CUX2: variants seen among roughly 807,000 people sequenced by gnomAD.
CUX2 encodes cut like homeobox 2, also known as homeobox protein cut-like 2.
In CUX2, 40 loss-of-function variants were observed where a neutral mutation model predicts 144.8. The ratio of observed to expected loss-of-function variants is 0.28; its 90% confidence interval spans 0.21 to 0.36. The LOEUF is 0.36. CUX2 is among the 10% of genes least tolerant of loss of function. The pLI is 1.00. For synonymous variants in CUX2, 827 were observed against 875.6 expected, an observed-to-expected ratio of 0.94 and a Z score of 0.98; for missense variants, 1,615 against 1,994.0, an observed-to-expected ratio of 0.81 and a Z score of 3.62.
rs762524911 is a variant in CUX2 at position 111,348,165 on chromosome 12, G to C, written c.4301G>C (p.Ser1434Thr). The change falls in exon 22 of 22, where the codon AGT (serine) becomes ACT (threonine). Residue 1434 changes from serine (S) to threonine (T), a missense_variant. Ser to Thr is a moderately conservative substitution (Grantham distance 58). Transcript: ENST00000261726. The part of the protein sequence containing the change: ...PPGAPPAKVP[S>T]ASPTADMAGA... Reference sequence around the variant, plus strand: ...GGCGCCCCCCCTGCCAAAGTGCCGAGTGCCAGCCCCACTGCTGACATGGCT... The same window carrying C: ...GGCGCCCCCCCTGCCAAAGTGCCGACTGCCAGCCCCACTGCTGACATGGCT... The C allele has an allele frequency of 1.2e-6, 2 of 1,613,988 alleles. No homozygotes were observed. The highest frequency in any genetic ancestry group is 1.7e-6 in the Non-Finnish European group (2 of 1,179,988).
intron 1 of CUX2, among the ~76,000 whole-genome samples, chr12:111,145,517 C>T (rs140851631): frequency 2.0e-4 from 30 of 152,176 alleles, no homozygotes; most frequent in Non-Finnish European, 2.9e-4. Flanking sequence ...TACAGGTATA[C>T]GCCACCATGC....
At position 111,049,302 on chromosome 12, in the gene CUX2, C is replaced by G. The variant is rs146081339; in HGVS notation, c.63+15062C>G. 8.1e-3 allele frequency among the ~76,000 whole-genome samples: 1,240 copies of G among 152,304 alleles called. 8 individuals are homozygous for G. The highest frequency in any genetic ancestry group is 0.034 in the Middle Eastern group (10 of 294). On this transcript the variant is annotated intron_variant, in intron 1 of 21. Coordinates refer to ENST00000261726, the MANE Select transcript of CUX2 (RefSeq NM_015267.4). ...CTATCCATTCATCCACTTAGCCACC[C>G]AGCAACCTTCTCATCCACCCATCCA... is the stretch of plus-strand genomic sequence containing the variant.
rs4531528 is a variant in CUX2, at chr12:111,059,682, C to T, written c.63+25442C>T. On this transcript the variant is annotated intron_variant, in intron 1 of 21. Coordinates refer to ENST00000261726, the MANE Select transcript of CUX2 (RefSeq NM_015267.4). The surrounding 1 kb of genome is among the most constrained non-coding windows in gnomAD (Gnocchi z 5.3). ...TATGGTGAGGAGGTGGGATTGTTTT[C>T]TAAAGATAGAGCCCCTTAGATATAG... is the stretch of plus-strand genomic sequence containing the variant. Among the ~76,000 whole-genome samples, 2 of 151,972 alleles carry T rather than the reference C, an allele frequency of 1.3e-5. No individual in the cohort carries two copies. The highest frequency in any genetic ancestry group is 4.8e-5 in the African/African-American group (2 of 41,366).
At chr12:111,156,446 C>A (rs936308464) in intron 1 of CUX2, among the ~76,000 whole-genome samples, 2 of 152,180 alleles carry the variant, frequency 1.3e-5, no homozygotes, top group Non-Finnish European at 2.9e-5. Flanking sequence ...TTTTCTAGAA[C>A]CTGTTTTTCA....
intron 1 of CUX2, among the ~76,000 whole-genome samples, chr12:111,063,228 G>A (rs1870861269): frequency 6.6e-6 from 1 of 152,138 alleles, no homozygotes; most frequent in African/African-American, 2.4e-5. Flanking sequence ...GGGGTTGAGG[G>A]TGGTCCTCAC....
chr12:111,313,410 CG>C (rs1265682212), intron 16 of CUX2, among the ~76,000 whole-genome samples: 1 of 150,574 alleles, frequency 6.6e-6, no homozygotes, highest in Non-Finnish European at 1.5e-5. Flanking sequence ...GAGGCCGAGG[CG>C]GGCGGATCAC....
chr12:111,109,689 G>A (rs1296219024), intron 1 of CUX2, among the ~76,000 whole-genome samples: 3 of 152,164 alleles, frequency 2.0e-5, no homozygotes, highest in Admixed American at 1.3e-4. Context: ...CACACAGGTT[G>A]GGGCATTTTT....
chr12:111,325,102 G>A (rs539390428), intron 18 of CUX2, among the ~76,000 whole-genome samples: 31 of 150,848 alleles, frequency 2.1e-4, no homozygotes, highest in Non-Finnish European at 2.7e-4. Context: ...TGGCTAACTC[G>A]GTGAAACCCG....
At chr12:111,142,457 T>C (rs1005475874) in intron 1 of CUX2, among the ~76,000 whole-genome samples, 17 of 143,370 alleles carry the variant, frequency 1.2e-4, no homozygotes, top group Non-Finnish European at 2.1e-4. Flanking sequence ...AATGGCTTAA[T>C]AAAACAGGTG....
In CUX2 at chr12:111,287,416, T is replaced by G. The variant is rs1382472234; in HGVS notation, c.302-4002T>G. Among the ~76,000 whole-genome samples the G allele has an allele frequency of 6.6e-6, 1 of 152,228 alleles. No individual in the cohort carries two copies. The highest frequency in any genetic ancestry group is 1.5e-5 in the Non-Finnish European group (1 of 68,038). ...CCCGGCGAGTGCTCGTTGCCTTTTTTCCTCCTGTCTCAAAAACCGGGACAC... is the reference window on the plus strand; with the variant it reads ...CCCGGCGAGTGCTCGTTGCCTTTTTGCCTCCTGTCTCAAAAACCGGGACAC... On this transcript the variant is annotated intron_variant, in intron 4 of 21. Coordinates refer to ENST00000261726, the MANE Select transcript of CUX2 (RefSeq NM_015267.4). This position sits in a 1 kb window ranked among gnomAD's most constrained non-coding sequence, Gnocchi z 4.2.
chr12:111,165,581 T>TG (rs561340301), intron 1 of CUX2, among the ~76,000 whole-genome samples: 16 of 152,318 alleles, frequency 1.1e-4, no homozygotes, highest in African/African-American at 3.8e-4. Flanking sequence ...TGTATGACCC[T>TG]GGGTGAAGAA....
intron 1 of CUX2, among the ~76,000 whole-genome samples, chr12:111,175,302 A>G (rs1878776404): frequency 6.7e-6 from 1 of 149,296 alleles, no homozygotes; most frequent in Non-Finnish European, 1.5e-5. Context: ...AATATTAAAC[A>G]TTTAAGGTTT....
Position 111,320,049 on chromosome 12 carries a change from C to CA in CUX2, c.2042dup (p.Asn681LysfsTer23). On this transcript the variant is annotated frameshift_variant, in exon 17 of 22. Transcript: ENST00000261726. LOFTEE classifies it high-confidence loss of function. The surrounding 1 kb of genome is among the most constrained non-coding windows in gnomAD (Gnocchi z 8.1). ...CCTCGGTGGCCCCGCTGAGCATCGCCAACGGCACGACCCCCGCCAGCACCT... is the reference window on the plus strand; with the variant it reads ...CCTCGGTGGCCCCGCTGAGCATCGCCAAACGGCACGACCCCCGCCAGCACCT... The CA allele has an allele frequency of 6.5e-7, 1 of 1,543,354 alleles. No homozygotes were observed.
At chr12:111,334,324 A>G (rs1888245767) in intron 18 of CUX2, 117 bp from the exon 19 acceptor site, 2 of 1,093,034 alleles carry the variant, frequency 1.8e-6, no homozygotes, top group African/African-American at 3.2e-5. Flanking sequence ...GATTATTACT[A>G]CAGTGGTTGC....
chr12:111,143,324 G>A (rs1054040928), intron 1 of CUX2, among the ~76,000 whole-genome samples: 1 of 152,160 alleles, frequency 6.6e-6, no homozygotes, highest in Non-Finnish European at 1.5e-5. Flanking sequence ...CTGCCTCCAA[G>A]TAGACTAATA....
chr12:111,152,833 G>A (rs1408461165), intron 1 of CUX2, among the ~76,000 whole-genome samples: 1 of 152,232 alleles, frequency 6.6e-6, no homozygotes, highest in Non-Finnish European at 1.5e-5. Context: ...CAGGGACTGG[G>A]GACAAGCCGC....
intron 4 of CUX2, among the ~76,000 whole-genome samples, chr12:111,271,338 G>A (rs1470698802): frequency 6.6e-6 from 1 of 152,182 alleles, no homozygotes; most frequent in African/African-American, 2.4e-5. Context: ...TTTCTTTTCC[G>A]TGATTTTTCC....
rs376615887 is a variant in CUX2, at chr12:111,332,354, A to G, written c.2927-2087A>G. 2.0e-5 allele frequency among the ~76,000 whole-genome samples: 3 copies of G among 151,222 alleles called. No homozygotes were observed. The East Asian group carries it at 5.9e-4, about 30-fold the overall frequency. ...TCACCATTTGGCCAGGCTGGTCTCC[A>G]ACTCCTGACCTTAGGTGATCCTCCC... On this transcript the variant is annotated intron_variant, in intron 18 of 21. Transcript: ENST00000261726.
At chr12:111,298,962 A>C (rs942306786) in intron 9 of CUX2, among the ~76,000 whole-genome samples, 1 of 152,210 alleles carries the variant, frequency 6.6e-6, no homozygotes, top group African/African-American at 2.4e-5. Flanking sequence ...CTAGGCATGG[A>C]TTCTAAGTGG....
Sources: allele counts gnomAD v4.1 joint callset (sites outside exome capture counted in the v4.1 genomes callset), GRCh38; gene constraint gnomAD v4.1.1; non-coding constraint Gnocchi (gnomAD v3.1); transcripts MANE v1.5; gene names NCBI Gene and HGNC (gene_info 2026-07-23, HGNC 2026-07-21).